FSAF1: variants seen among roughly 807,000 people sequenced by gnomAD.
FSAF1 encodes 40S small subunit processome assembly factor 1.
At chr1:231,225,303 G>C in the FSAF1 span, 1 of 624,130 alleles carries the variant, frequency 1.6e-6, no homozygotes, top group Non-Finnish European at 2.9e-6. Flanking sequence ...TCAGGCAGTT[G>C]TTTGATCTTG....
At chr1:231,224,183 T>A in the FSAF1 span, 1 of 1,330,504 alleles carries the variant, frequency 7.5e-7, no homozygotes, top group South Asian at 1.6e-5. Context: ...GTCTGTGAAA[T>A]GCGTGTTAAG....
the FSAF1 span, chr1:231,224,092 C>T: frequency 1.7e-5 from 10 of 584,590 alleles, no homozygotes; most frequent in African/African-American, 3.8e-5. Flanking sequence ...CTGGGCCTGA[C>T]ACGTTCAGCA....
At chr1:231,237,057 C>T in the FSAF1 span, 1 of 151,072 alleles carries the variant, frequency 6.6e-6, no homozygotes, top group Non-Finnish European at 1.5e-5. Context: ...TGCAGTGACA[C>T]AATCACAGCC....
the FSAF1 span, among the ~76,000 whole-genome samples, chr1:231,229,588 A>T: frequency 6.6e-6 from 1 of 152,186 alleles, no homozygotes; most frequent in East Asian, 1.9e-4. Context: ...CTCAGAAGCA[A>T]CTCAAATGTC....
chr1:231,230,529 G>A, the FSAF1 span, among the ~76,000 whole-genome samples: 1 of 152,120 alleles, frequency 6.6e-6, no homozygotes, highest in Non-Finnish European at 1.5e-5. Flanking sequence ...CTGCCAAGAG[G>A]TGCCTATCAC....
At chr1:231,225,550 C>A in the FSAF1 span, 1 of 1,591,272 alleles carries the variant, frequency 6.3e-7, no homozygotes, top group Non-Finnish European at 8.6e-7. Context: ...AGATCATATA[C>A]ATATTAGTAG....
chr1:231,235,809 T>TA, the FSAF1 span, among the ~76,000 whole-genome samples: 9 of 152,042 alleles, frequency 5.9e-5, 1 homozygote, highest in African/African-American at 2.2e-4. Flanking sequence ...TCTCTAAACA[T>TA]AAAAAAATAT....
At chr1:231,240,526 G>A in the FSAF1 span, among the ~76,000 whole-genome samples, 1 of 151,444 alleles carries the variant, frequency 6.6e-6, no homozygotes, top group African/African-American at 2.4e-5. The surrounding 1 kb of genome is among the most constrained non-coding windows in gnomAD (Gnocchi z 4.1). Context: ...AAAGATCAGC[G>A]CACTTGTTTA....
the FSAF1 span, among the ~76,000 whole-genome samples, chr1:231,240,754 G>A: frequency 6.6e-6 from 1 of 152,224 alleles, no homozygotes; most frequent in East Asian, 1.9e-4. The surrounding 1 kb of genome is among the most constrained non-coding windows in gnomAD (Gnocchi z 4.1). Flanking sequence ...CTTTTAAATC[G>A]GAAAGCCTTG....
the FSAF1 span, chr1:231,227,164 C>G: frequency 2.3e-6 from 3 of 1,291,306 alleles, no homozygotes; most frequent in Non-Finnish European, 3.3e-6. Context: ...ATCCACCGCT[C>G]TGTAATGACA....
the FSAF1 span, chr1:231,224,747 CT>C: frequency 3.5e-6 from 1 of 284,968 alleles, no homozygotes; most frequent in Non-Finnish European, 6.5e-6. Context: ...ACAATGCTCT[CT>C]TTCAGCCTCT....
the FSAF1 span, among the ~76,000 whole-genome samples, chr1:231,233,359 T>G: frequency 1.3e-5 from 2 of 152,334 alleles, no homozygotes; most frequent in East Asian, 3.9e-4. Flanking sequence ...TTCAGCTCCA[T>G]AATCCTTTAT....
At chr1:231,240,805 G>A in the FSAF1 span, among the ~76,000 whole-genome samples, 1,991 of 152,266 alleles carry the variant, frequency 0.013, 30 homozygotes, top group African/African-American at 0.045. The surrounding 1 kb of genome is among the most constrained non-coding windows in gnomAD (Gnocchi z 4.1). Flanking sequence ...CACACTTGGG[G>A]ACGAGTTGGA....
At chr1:231,238,708 A>G in the FSAF1 span, 2 of 679,064 alleles carry the variant, frequency 2.9e-6, no homozygotes, top group African/African-American at 3.6e-5. Flanking sequence ...TAAGGGCTAT[A>G]TGCTGAGTCT....
At chr1:231,224,534 C>G in the FSAF1 span, 1 of 950,038 alleles carries the variant, frequency 1.1e-6, no homozygotes, top group South Asian at 1.7e-5. Flanking sequence ...GCCATGCACA[C>G]CCCCCACCCC....
chr1:231,237,366 CAT>C, the FSAF1 span: 1 of 152,218 alleles, frequency 6.6e-6, no homozygotes, highest in African/African-American at 2.4e-5. Context: ...CCTCTAAAAA[CAT>C]ATGGCCATGT....
chr1:231,225,124 G>A, the FSAF1 span: 3 of 282,422 alleles, frequency 1.1e-5, no homozygotes, highest in East Asian at 1.9e-4. Context: ...TAATTACGGT[G>A]CTCTATCTTA....
chr1:231,228,229 C>A, the FSAF1 span, among the ~76,000 whole-genome samples: 1 of 152,154 alleles, frequency 6.6e-6, no homozygotes, highest in Non-Finnish European at 1.5e-5. Context: ...ATATACATAT[C>A]CCCATACTTA....
chr1:231,238,542 C>T, the FSAF1 span: 1 of 219,338 alleles, frequency 4.6e-6, no homozygotes, highest in Non-Finnish European at 9.0e-6. Flanking sequence ...TCTGCCTGAT[C>T]AGAGTGTTTT....
Sources: gnomAD v4.1 joint callset for allele counts (sites outside exome capture counted in the v4.1 genomes callset) on GRCh38, gnomAD v4.1.1 for gene constraint, Gnocchi (gnomAD v3.1) non-coding constraint, MANE v1.5 for transcripts, NCBI Gene and HGNC (gene_info 2026-07-23, HGNC 2026-07-21) for gene names.